BAZ2B: variants seen among roughly 807,000 people sequenced by gnomAD.
BAZ2B encodes bromodomain adjacent to zinc finger domain 2B.
BAZ2B carries 91 observed loss-of-function variants against 246.0 expected under a neutral mutation model. That is an observed-to-expected ratio of 0.37 (90% CI 0.31 to 0.44). BAZ2B has a LOEUF of 0.44. BAZ2B is among the 20% of genes least tolerant of loss of function. BAZ2B has a pLI of 1.00. For synonymous variants in BAZ2B, 855 were observed against 860.0 expected, an observed-to-expected ratio of 0.99 and a Z score of 0.10; for missense variants, 2,332 against 2,533.7, an observed-to-expected ratio of 0.92 and a Z score of 1.71.
At chr2:159,492,502 G>A (rs2080615711) in intron 2 of BAZ2B, among the ~76,000 whole-genome samples, 1 of 152,212 alleles carries the variant, frequency 6.6e-6, no homozygotes, top group South Asian at 2.1e-4. Context: ...TATGGGAGTA[G>A]AAATCATGTT....
intron 25 of BAZ2B, among the ~76,000 whole-genome samples, chr2:159,380,796 A>G (rs1413113282): frequency 6.6e-6 from 1 of 152,106 alleles, no homozygotes; most frequent in East Asian, 1.9e-4. Flanking sequence ...ATAACATTTC[A>G]TGTATGTTGT....
Position 159,320,310 on chromosome 2 carries a change from C to G in BAZ2B, c.6462G>C (p.Arg2154Ser), listed in dbSNP as rs771888475. 6.4e-7 allele frequency: 1 copy of G among 1,567,942 alleles called. No homozygotes were observed. The highest frequency in any genetic ancestry group is 8.6e-7 in the Non-Finnish European group (1 of 1,168,126). ...CTGTCCACTTTTTTTCAAAATACTT[C>G]CTCATATTGTGGCCAGCTCTGCCTA... is the stretch of plus-strand genomic sequence containing the variant. ...SDIGRAGHNM[R>S]KYFEKKWTDT... The change falls in exon 37 of 37, where the codon AGG becomes AGC. Residue 2154 changes from arginine (R) to serine (S), a missense_variant. Physicochemically the swap from Arg to Ser is moderately radical, Grantham distance 110 (BLOSUM62 -1). This residue lies in a region of BAZ2B where 210 missense variants were observed against 232.5 expected (regional missense o/e 0.90). Coordinates refer to ENST00000392783, the MANE Select transcript of BAZ2B (RefSeq NM_013450.4).
At chr2:159,625,490 C>T in the BAZ2B span, among the ~76,000 whole-genome samples, 1 of 152,130 alleles carries the variant, frequency 6.6e-6, no homozygotes. Flanking sequence ...CTGCAGAAAC[C>T]CTACAAGCCA....
the BAZ2B span, among the ~76,000 whole-genome samples, chr2:159,661,096 C>A: frequency 1.3e-5 from 2 of 152,264 alleles, no homozygotes; most frequent in East Asian, 3.9e-4. Context: ...CCTCCCTACT[C>A]CCCTTCTTCC....
intron 27 of BAZ2B, among the ~76,000 whole-genome samples, chr2:159,372,060 A>G (rs921144293): frequency 1.3e-5 from 2 of 152,202 alleles, no homozygotes; most frequent in African/African-American, 4.8e-5. Flanking sequence ...ATTACTAAAA[A>G]CAAAACCCTT....
chr2:159,565,683 A>G (rs982908089), intron 1 of BAZ2B, among the ~76,000 whole-genome samples: 4 of 151,750 alleles, frequency 2.6e-5, no homozygotes, highest in Admixed American at 6.6e-5. Flanking sequence ...AGGCTGAGGC[A>G]AGAGAATCGC....
At chr2:159,524,034 AT>A (rs2084444621) in intron 2 of BAZ2B, among the ~76,000 whole-genome samples, 1 of 152,218 alleles carries the variant, frequency 6.6e-6, no homozygotes, top group African/African-American at 2.4e-5. Context: ...TTGGAAAAAA[AT>A]ACATATAAAA....
At position 159,533,317 on chromosome 2, in the gene BAZ2B, T is replaced by C. The variant is rs142704789; in HGVS notation, c.-3+22506A>G. ...GAAGAATAGAATACATTAAAGAGGATTGAAGAAAGTCACTTAATTTTCAGA... is the reference window on the plus strand; with the variant it reads ...GAAGAATAGAATACATTAAAGAGGACTGAAGAAAGTCACTTAATTTTCAGA... On this transcript the variant is annotated intron_variant, in intron 2 of 36. Coordinates refer to ENST00000392783, the MANE Select transcript of BAZ2B (RefSeq NM_013450.4). 4.7e-3 allele frequency among the ~76,000 whole-genome samples: 722 copies of C among 152,276 alleles called. 5 individuals carry two copies. The highest frequency in any genetic ancestry group is 0.016 in the African/African-American group (681 of 41,574).
intron 33 of BAZ2B, among the ~76,000 whole-genome samples, chr2:159,335,708 G>T (rs2065551706): frequency 6.6e-6 from 1 of 152,124 alleles, no homozygotes; most frequent in African/African-American, 2.4e-5. Context: ...GCCTTGAGTA[G>T]TCTAAGCATA....
At chr2:159,446,652 T>C (rs1054832651) in intron 6 of BAZ2B, 130 bp downstream of exon 6, 1 of 763,906 alleles carries the variant, frequency 1.3e-6, no homozygotes, top group Non-Finnish European at 2.1e-6. Context: ...ACACCATAAA[T>C]CACGTATCTA....
intron 2 of BAZ2B, among the ~76,000 whole-genome samples, chr2:159,528,514 T>C (rs1396782315): frequency 6.6e-6 from 1 of 151,798 alleles, no homozygotes; most frequent in Non-Finnish European, 1.5e-5. Flanking sequence ...GAAACCCCAT[T>C]TCTACTAAAA....
At chr2:159,549,642 T>A (rs2087865029) in intron 2 of BAZ2B, among the ~76,000 whole-genome samples, 1 of 152,172 alleles carries the variant, frequency 6.6e-6, no homozygotes, top group South Asian at 2.1e-4. Context: ...AATGTTTTGA[T>A]AAAGTTTCCA....
the BAZ2B span, among the ~76,000 whole-genome samples, chr2:159,671,537 T>A: frequency 2.7e-3 from 405 of 152,324 alleles, 2 homozygotes; most frequent in African/African-American, 9.2e-3. Context: ...GTACAACAGT[T>A]ATTTATTGGG....
rs752973427 is a variant in BAZ2B, at chr2:159,332,548, T to C, written c.5935A>G (p.Ile1979Val). ...PDGDWFCPACIAKASGQTLKI... is the reference protein window; with the variant it reads ...PDGDWFCPACVAKASGQTLKI... ...TTTTAGATTGGTCTTACCTTAGCAA[T>C]GCAAGCTGGACAAAACCAGTCTCCA... Residue 1979 changes from isoleucine (I) to valine (V), a missense_variant, in exon 34 of 37, where the codon ATT (isoleucine) becomes GTT (valine). Transcript: ENST00000392783. 1.2e-5 allele frequency: 20 copies of C among 1,613,342 alleles called. No individual in the cohort carries two copies. The highest frequency in any genetic ancestry group is 2.2e-5 in the East Asian group (1 of 44,884).
chr2:159,320,465 G>T (rs1017174728), intron 36 of BAZ2B, 47 bp from the exon 37 acceptor site: 1 of 1,467,112 alleles, frequency 6.8e-7, no homozygotes, highest in East Asian at 2.5e-5. Flanking sequence ...GAGTGGATTT[G>T]TTTTGTAAAC....
chr2:159,421,239 A>G (rs2068693288), intron 13 of BAZ2B, among the ~76,000 whole-genome samples: 2 of 151,386 alleles, frequency 1.3e-5, no homozygotes, highest in South Asian at 2.1e-4. Context: ...CAATGGCATG[A>G]TCATAGTTCT....
At chr2:159,683,037 C>T in the BAZ2B span, among the ~76,000 whole-genome samples, 2 of 151,804 alleles carry the variant, frequency 1.3e-5, no homozygotes, top group Non-Finnish European at 2.9e-5. Context: ...GTGCATTTCC[C>T]CCATGGAGCA....
chr2:159,363,625 G>A lies in BAZ2B; in HGVS notation c.4213+9420C>T, dbSNP rs114186762. 4.8e-3 allele frequency among the ~76,000 whole-genome samples: 735 copies of A among 152,290 alleles called. 7 individuals carry two copies. Among genetic ancestry groups the A allele is most frequent in the African/African-American group, 0.017 (701 of 41,556 alleles). On this transcript the variant is annotated intron_variant, in intron 27 of 36. Transcript: ENST00000392783. ...AACAAAAGAAGGAGTAGACCGATAG[G>A]CTGAACTCAGGCAATCTCCCTCACA...
At chr2:159,531,329 C>T (rs995686735) in intron 2 of BAZ2B, among the ~76,000 whole-genome samples, 7 of 151,914 alleles carry the variant, frequency 4.6e-5, no homozygotes, top group East Asian at 1.9e-4. Context: ...AAATTTTTTT[C>T]GATCAATTTT....
Sources: allele counts gnomAD v4.1 joint callset (sites outside exome capture counted in the v4.1 genomes callset), GRCh38; gene constraint gnomAD v4.1.1; regional missense constraint gnomAD v4.1.1; transcripts MANE v1.5; gene names NCBI Gene and HGNC (gene_info 2026-07-23, HGNC 2026-07-21).